Variants in STK4 observed in about 807,000 individuals in gnomAD.
The protein encoded by STK4 is serine/threonine kinase 4, also known as serine/threonine-protein kinase 4.
In STK4, 30 loss-of-function variants were observed where a neutral mutation model predicts 64.9. The observed-to-expected ratio is 0.46, with a 90% CI of 0.35 to 0.63. The LOEUF is 0.63. STK4 is among the 20% of genes least tolerant of loss of function. The pLI is 0.01. For missense variants in STK4, 466 were observed against 598.5 expected (o/e 0.78, Z 2.31); for synonymous variants, 177 against 199.0 (o/e 0.89, Z 0.93).
chr20:45,035,840 A>G (rs2068519092), intron 10 of STK4, among the ~76,000 whole-genome samples: 1 of 152,226 alleles, frequency 6.6e-6, no homozygotes, highest in African/African-American at 2.4e-5. Context: ...GATGTAGCAG[A>G]AAATAATCAA....
intron 6 of STK4, 75 bp downstream of exon 6, chr20:44,995,332 G>A: frequency 6.6e-7 from 1 of 1,512,876 alleles, no homozygotes. Flanking sequence ...CAAGCCAGGT[G>A]TTGTGGCTCA....
intron 5 of STK4, among the ~76,000 whole-genome samples, chr20:44,989,498 A>G (rs1261927873): frequency 6.6e-6 from 1 of 151,554 alleles, no homozygotes; most frequent in East Asian, 1.9e-4. Flanking sequence ...TATATTTTAG[A>G]TATAAGTCTC....
chr20:45,074,449 T>A (rs1172118892), intron 10 of STK4, among the ~76,000 whole-genome samples: 1 of 152,152 alleles, frequency 6.6e-6, no homozygotes, highest in African/African-American at 2.4e-5. Context: ...CTTAGACTGT[T>A]ACCTGGTATA....
chr20:44,980,882 A>T (rs1482869193), intron 3 of STK4, among the ~76,000 whole-genome samples: 2 of 152,074 alleles, frequency 1.3e-5, no homozygotes, highest in South Asian at 2.1e-4. Flanking sequence ...GTTAGCCAGG[A>T]TGGTCTCGAT....
intron 1 of STK4, among the ~76,000 whole-genome samples, chr20:44,967,576 G>C (rs1026165985): frequency 7.2e-5 from 11 of 152,236 alleles, no homozygotes; most frequent in African/African-American, 1.9e-4. Context: ...AAGGAGTCAT[G>C]CTTCTCTGAG....
At chr20:44,987,989 T>G (rs2067560752) in intron 5 of STK4, among the ~76,000 whole-genome samples, 1 of 151,898 alleles carries the variant, frequency 6.6e-6, no homozygotes, top group African/African-American at 2.4e-5. Flanking sequence ...TTATTTTTTT[T>G]TTATTATAAG....
chr20:45,064,069 A>G (rs1392048836), intron 10 of STK4, among the ~76,000 whole-genome samples: 1 of 150,304 alleles, frequency 6.7e-6, no homozygotes, highest in African/African-American at 2.5e-5. Context: ...CAGCCTCCCA[A>G]AGTGCTGGGA....
intron 9 of STK4, among the ~76,000 whole-genome samples, chr20:45,004,828 G>T (rs1189774958): frequency 6.7e-6 from 1 of 149,874 alleles, no homozygotes; most frequent in East Asian, 2.0e-4. Context: ...GAATGCAGTG[G>T]TGCGATCTTG....
intron 5 of STK4, among the ~76,000 whole-genome samples, chr20:44,989,428 T>C (rs368772242): frequency 2.0e-5 from 3 of 152,206 alleles, no homozygotes; most frequent in African/African-American, 7.2e-5. Flanking sequence ...TCTATTTAAA[T>C]CTTTTGCCCA....
intron 10 of STK4, among the ~76,000 whole-genome samples, chr20:45,037,842 A>G (rs1201188204): frequency 6.6e-6 from 1 of 152,172 alleles, no homozygotes; most frequent in African/African-American, 2.4e-5. Flanking sequence ...TTGGCTGCAC[A>G]TGTTAGAAAT....
Position 45,028,606 on chromosome 20 carries a change from T to TA in STK4, c.1305+3477dup, listed in dbSNP as rs1181949739. Among the ~76,000 whole-genome samples, 6 of 152,320 alleles carry TA rather than the reference T, an allele frequency of 3.9e-5. No individual in the cohort carries two copies. The South Asian group carries it at 8.3e-4, about 21-fold the overall frequency. On this transcript the variant is annotated intron_variant, in intron 10 of 10. Transcript: ENST00000372806. The stretch of plus-strand genomic sequence containing the variant: ...CCTCCCAGAATGCTAGGATTACAGA[T>TA]ATGAGCCACTGTACCGGCTCTTTGT...
Position 44,994,509 on chromosome 20 carries a change from A to G in STK4, c.526-581A>G, listed in dbSNP as rs567791153. Among the ~76,000 whole-genome samples the G allele has an allele frequency of 4.7e-5, 7 of 148,800 alleles. No homozygotes were observed. In the South Asian group the frequency reaches 1.5e-3, roughly 31 times the overall value. ...ATCTTCTTTTTTTTTTCTTTTTAAT[A>G]TGGTGTTTCAGTATATGGTTATTTA... On this transcript the variant is annotated intron_variant, in intron 5 of 10. Transcript: ENST00000372806.
At chr20:44,984,916 G>C (rs1472375141) in intron 4 of STK4, among the ~76,000 whole-genome samples, 2 of 151,740 alleles carry the variant, frequency 1.3e-5, no homozygotes, top group African/African-American at 2.4e-5. Context: ...TGAGTAGCTG[G>C]GATTACAGCA....
At chr20:44,987,409 A>G in intron 5 of STK4, 113 bp downstream of exon 5, 2 of 1,065,914 alleles carry the variant, frequency 1.9e-6, no homozygotes, top group Non-Finnish European at 2.6e-6. Flanking sequence ...TTAGTAAAAA[A>G]TCACAGAATC....
At chr20:45,072,537 C>T (rs1456488446) in intron 10 of STK4, among the ~76,000 whole-genome samples, 1 of 152,154 alleles carries the variant, frequency 6.6e-6, no homozygotes, top group African/African-American at 2.4e-5. Context: ...GTAAGCTTCA[C>T]AAGGGCACTG....
chr20:45,012,948 ATTTTTTTTTTTTTT>A (rs60788017), intron 9 of STK4, among the ~76,000 whole-genome samples: 1 of 51,166 alleles, frequency 2.0e-5, no homozygotes, highest in East Asian at 7.4e-4. Flanking sequence ...CACACCTGTG[ATTTTTTTTTTTTTT>A]TTTTTTTTTT....
chr20:44,995,698 T>C (rs1232478408), intron 6 of STK4, among the ~76,000 whole-genome samples: 2 of 151,816 alleles, frequency 1.3e-5, no homozygotes, highest in East Asian at 3.9e-4. Context: ...AGTGTCGCTA[T>C]AGATGATACA....
At position 44,972,115 on chromosome 20, in the gene STK4, C is replaced by T; in HGVS notation, c.73C>T (p.Gln25Ter). ...KKLDEDSLTK[Q>*]PEEVFDVLEK... ...GTTGGATGAAGATAGTTTAACCAAA[C>T]AACCAGAAGAAGTATTTGATGTCTT... The change falls in exon 2 of 11, where the codon CAA (glutamine) becomes TAA (stop). Residue 25 changes from glutamine (Q) to a stop codon, truncating the protein, a stop_gained. Coordinates refer to ENST00000372806, the MANE Select transcript of STK4 (RefSeq NM_006282.5). LOFTEE classifies it high-confidence loss of function. The T allele has an allele frequency of 6.2e-7, 1 of 1,613,926 alleles. No homozygotes were observed. Among genetic ancestry groups the T allele is most frequent in the Non-Finnish European group, 8.5e-7 (1 of 1,179,944 alleles).
chr20:45,040,144 C>T (rs1392725986), intron 10 of STK4, among the ~76,000 whole-genome samples: 5 of 150,296 alleles, frequency 3.3e-5, no homozygotes, highest in Admixed American at 1.3e-4. Flanking sequence ...TCTCTTTTTC[C>T]GTTGTTAGAA....
Sources: gnomAD v4.1 joint callset for allele counts (sites outside exome capture counted in the v4.1 genomes callset) on GRCh38, gnomAD v4.1.1 for gene constraint, MANE v1.5 for transcripts, NCBI Gene and HGNC (gene_info 2026-07-23, HGNC 2026-07-21) for gene names.